Variants in ABLIM1 observed in about 807,000 individuals in gnomAD.
The protein encoded by ABLIM1 is actin-binding LIM protein 1.
Under a neutral mutation model 107.0 loss-of-function variants are expected in ABLIM1, and 40 were observed. The ratio of observed to expected loss-of-function variants is 0.37; its 90% CI spans 0.29 to 0.49. The LOEUF is 0.49. Among genes scored for constraint, ABLIM1 ranks in the 20% least tolerant of loss-of-function variants. The probability of loss-of-function intolerance (pLI) is 0.97; values close to 1 mark genes in which losing one functional copy is unlikely to be tolerated. For missense variants in ABLIM1, 857 were observed against 1,008.5 expected (o/e 0.85, Z 2.04); for synonymous variants, 357 against 357.3 (o/e 1.00, Z 0.01).
intron 1 of ABLIM1, among the ~76,000 whole-genome samples, chr10:114,745,313 C>T (rs947153997): frequency 1.5e-4 from 23 of 152,198 alleles, no homozygotes; most frequent in African/African-American, 5.5e-4. Context: ...GTAATCCTAG[C>T]ACTTTGGGAG....
At chr10:114,454,015 A>G (rs1270342819) in intron 12 of ABLIM1, among the ~76,000 whole-genome samples, 1 of 152,208 alleles carries the variant, frequency 6.6e-6, no homozygotes, top group African/African-American at 2.4e-5. Flanking sequence ...CTTCAATTGC[A>G]GCGTGTTTGC....
chr10:114,437,634 T>G (rs550806275), intron 22 of ABLIM1, among the ~76,000 whole-genome samples: 1 of 152,256 alleles, frequency 6.6e-6, no homozygotes, highest in African/African-American at 2.4e-5. Context: ...GTCATTCTTC[T>G]GGATATTACC....
At position 114,631,233 on chromosome 10, in the gene ABLIM1, C is replaced by T. The variant is rs527450039; in HGVS notation, c.244+26724G>A. ...CATTCAATTCTGAAAAATGTACCTT[C>T]CATTTCAGGACCACGCCTAGTGCAT... On this transcript the variant is annotated intron_variant, in intron 1 of 22. Coordinates refer to ENST00000533213, the MANE Select transcript of ABLIM1 (RefSeq NM_002313.7). Among the ~76,000 whole-genome samples, 34 of 152,354 alleles carry T rather than the reference C, an allele frequency of 2.2e-4. No homozygotes were observed. In the South Asian group the frequency reaches 5.8e-3, roughly 26 times the overall value.
chr10:114,718,082 G>GAAGGAAGGAAGGAAGGAAGA (rs1566269666), intron 1 of ABLIM1, among the ~76,000 whole-genome samples: 1 of 92,164 alleles, frequency 1.1e-5, no homozygotes, highest in African/African-American at 3.3e-5. Context: ...AGGAAGGAAG[G>GAAGGAAGGAAGGAAGGAAGA]AAGGAAGGAA....
chr10:114,801,347 CT>C, the ABLIM1 span, among the ~76,000 whole-genome samples: 1 of 152,178 alleles, frequency 6.6e-6, no homozygotes, highest in African/African-American at 2.4e-5. Context: ...TCCTTGTCAT[CT>C]TTACATTGAG....
At chr10:114,781,662 G>GTA in the ABLIM1 span, among the ~76,000 whole-genome samples, 3 of 23,068 alleles carry the variant, frequency 1.3e-4, 1 homozygote, top group East Asian at 1.4e-3. Context: ...ATATATATGC[G>GTA]TGTATATATA....
intron 1 of ABLIM1, among the ~76,000 whole-genome samples, chr10:114,726,456 T>C (rs1218857716): frequency 6.6e-6 from 1 of 151,880 alleles, no homozygotes; most frequent in East Asian, 1.9e-4. Flanking sequence ...AACAGGCACA[T>C]CACATGGCAA....
intron 9 of ABLIM1, 135 bp downstream of exon 9, chr10:114,473,744 A>G (rs2067029297): frequency 1.5e-6 from 1 of 651,364 alleles, no homozygotes; most frequent in East Asian, 2.7e-5. Flanking sequence ...ACTGTTCTAC[A>G]AAAATGAAAA....
At chr10:114,756,781 T>C (rs2082639352) in intron 1 of ABLIM1, among the ~76,000 whole-genome samples, 1 of 152,230 alleles carries the variant, frequency 6.6e-6, no homozygotes, top group South Asian at 2.1e-4. Context: ...TATTTAAATA[T>C]CACTTGCTTT....
intron 1 of ABLIM1, among the ~76,000 whole-genome samples, chr10:114,749,264 T>C (rs920125762): frequency 3.9e-5 from 6 of 152,238 alleles, no homozygotes; most frequent in African/African-American, 1.4e-4. Flanking sequence ...CTGGACTACA[T>C]CAAGTACTCT....
At chr10:114,755,103 C>T (rs902229089) in intron 1 of ABLIM1, among the ~76,000 whole-genome samples, 5 of 152,178 alleles carry the variant, frequency 3.3e-5, no homozygotes, top group South Asian at 2.1e-4. Context: ...GGAACGGAGC[C>T]GCACAGCAGG....
intron 1 of ABLIM1, among the ~76,000 whole-genome samples, chr10:114,757,265 C>A (rs2082650780): frequency 6.6e-6 from 1 of 152,194 alleles, no homozygotes; most frequent in Admixed American, 6.5e-5. Flanking sequence ...AGAGCATCCT[C>A]TGGCACGAAC....
intron 2 of ABLIM1, among the ~76,000 whole-genome samples, chr10:114,579,694 C>T (rs888835369): frequency 2.6e-5 from 4 of 152,216 alleles, no homozygotes; most frequent in African/African-American, 9.6e-5. Flanking sequence ...TATCCATCCA[C>T]AGAACTCTTT....
rs1328587957 is a variant in ABLIM1, at chr10:114,629,911, T to C, written c.245-27950A>G. 6.6e-6 allele frequency among the ~76,000 whole-genome samples: 1 copy of C among 152,180 alleles called. No individual in the cohort carries two copies. The highest frequency in any genetic ancestry group is 2.4e-5 in the African/African-American group (1 of 41,450). ...TTTCTCTGTTGATGGCTGAGGTCAGTGCAATCAGAAAGCAGTGGTGTGGAC... is the reference window on the plus strand; with the variant it reads ...TTTCTCTGTTGATGGCTGAGGTCAGCGCAATCAGAAAGCAGTGGTGTGGAC... On this transcript the variant is annotated intron_variant, in intron 1 of 22. Coordinates refer to ENST00000533213, the MANE Select transcript of ABLIM1 (RefSeq NM_002313.7). The surrounding 1 kb of genome is among the most constrained non-coding windows in gnomAD (Gnocchi z 4.0).
intron 1 of ABLIM1, among the ~76,000 whole-genome samples, chr10:114,645,470 T>A (rs984006952): frequency 5.3e-5 from 8 of 152,170 alleles, no homozygotes; most frequent in Non-Finnish European, 1.2e-4. Context: ...AGTCTCTTTT[T>A]TTTTTGGCAG....
intron 1 of ABLIM1, among the ~76,000 whole-genome samples, chr10:114,742,638 A>G (rs1220805042): frequency 2.0e-5 from 3 of 152,174 alleles, no homozygotes; most frequent in African/African-American, 7.2e-5. Context: ...TAATAATATT[A>G]TCTACCTCAG....
chr10:114,671,421 G>T (rs1029802887), intron 1 of ABLIM1, among the ~76,000 whole-genome samples: 1 of 152,190 alleles, frequency 6.6e-6, no homozygotes, highest in Admixed American at 6.5e-5. Flanking sequence ...TCCATTGGTG[G>T]ACATTCATGC....
At chr10:114,493,570 C>T (rs1005476807) in intron 6 of ABLIM1, among the ~76,000 whole-genome samples, 5 of 151,960 alleles carry the variant, frequency 3.3e-5, no homozygotes, top group African/African-American at 4.8e-5. Context: ...ATAAAGATCA[C>T]GAATACAAAA....
chr10:114,711,458 C>T (rs549552714), intron 1 of ABLIM1, among the ~76,000 whole-genome samples: 1 of 152,308 alleles, frequency 6.6e-6, no homozygotes, highest in East Asian at 1.9e-4. Flanking sequence ...CCAAATCTCA[C>T]AGTCACAGAC....
Sources: gnomAD v4.1 joint callset for allele counts (sites outside exome capture counted in the v4.1 genomes callset) on GRCh38, gnomAD v4.1.1 for gene constraint, Gnocchi (gnomAD v3.1) non-coding constraint, MANE v1.5 for transcripts, NCBI Gene and HGNC (gene_info 2026-07-23, HGNC 2026-07-21) for gene names.